The following SNTG1 variants were observed in gnomAD, a reference collection of about 807,000 sequenced individuals.
The protein encoded by SNTG1 is syntrophin gamma 1.
SNTG1 carries 39 observed loss-of-function variants against 74.7 expected under a neutral mutation model. That is an observed-to-expected ratio of 0.52 (90% CI 0.40 to 0.68). The LOEUF (loss-of-function observed/expected upper bound fraction) is 0.68. Ranked by LOEUF, SNTG1 falls within the 30% of genes least tolerant of loss-of-function variation. The pLI is 0.00. For synonymous variants in SNTG1, 254 were observed against 217.1 expected, an observed-to-expected ratio of 1.17 and a Z score of -1.49; for missense variants, 685 against 609.5, an observed-to-expected ratio of 1.12 and a Z score of -1.30.
intron 1 of SNTG1, among the ~76,000 whole-genome samples, chr8:50,087,301 C>A (rs1032784799): frequency 2.0e-5 from 3 of 152,064 alleles, no homozygotes; most frequent in African/African-American, 7.2e-5. Context: ...AGTTTGTCTT[C>A]GATTGTAACA....
intron 17 of SNTG1, among the ~76,000 whole-genome samples, chr8:50,726,585 C>T (rs1340204865): frequency 6.6e-6 from 1 of 152,226 alleles, no homozygotes; most frequent in Admixed American, 6.5e-5. Context: ...CGCACTGGCT[C>T]ACGCCTGTAA....
In SNTG1 at chr8:49,946,762, G is replaced by A. The variant is rs182264872; in HGVS notation, c.-103+34531G>A. Among the ~76,000 whole-genome samples, 516 of 152,014 alleles carry A rather than the reference G, an allele frequency of 3.4e-3. 2 individuals are homozygous for A. Among genetic ancestry groups the A allele is most frequent in the African/African-American group, 0.012 (494 of 41,452 alleles). ...ACGATATTCTTGTTCCTTTTACCTAGACAAAATCTAAATCATGAAAAGATG... is the reference window on the plus strand; with the variant it reads ...ACGATATTCTTGTTCCTTTTACCTAAACAAAATCTAAATCATGAAAAGATG... On this transcript the variant is annotated intron_variant, in intron 1 of 18. Transcript: ENST00000642720.
chr8:50,115,490 C>A (rs112965379), intron 1 of SNTG1, among the ~76,000 whole-genome samples: 2,096 of 147,550 alleles, frequency 0.014, 46 homozygotes, highest in African/African-American at 0.049. Context: ...GCTGGAGGAA[C>A]CCTGGAGGCA....
At chr8:50,127,574 T>C (rs927213966) in intron 1 of SNTG1, among the ~76,000 whole-genome samples, 1 of 152,112 alleles carries the variant, frequency 6.6e-6, no homozygotes, top group African/African-American at 2.4e-5. Context: ...GCCTGGCAAT[T>C]TTCCTGTAAT....
intron 1 of SNTG1, among the ~76,000 whole-genome samples, chr8:50,138,565 C>A (rs1005759952): frequency 6.6e-6 from 1 of 151,300 alleles, no homozygotes; most frequent in Non-Finnish European, 1.5e-5. Flanking sequence ...GTGGAGGTTG[C>A]ACTGAGCTGA....
chr8:50,282,155 C>T (rs957413100), intron 2 of SNTG1, among the ~76,000 whole-genome samples: 2 of 152,146 alleles, frequency 1.3e-5, no homozygotes, highest in Non-Finnish European at 2.9e-5. Context: ...ATACCAGCTC[C>T]CCTCTGGCCA....
At chr8:49,962,291 G>A (rs1379403806) in intron 1 of SNTG1, among the ~76,000 whole-genome samples, 2 of 151,634 alleles carry the variant, frequency 1.3e-5, no homozygotes, top group Non-Finnish European at 2.9e-5. Flanking sequence ...AGAGACTTGA[G>A]AGAGTGGTTC....
chr8:50,414,328 A>G (rs1242711037), intron 4 of SNTG1, among the ~76,000 whole-genome samples: 1 of 152,162 alleles, frequency 6.6e-6, no homozygotes, highest in African/African-American at 2.4e-5. Flanking sequence ...GGGCCAATTC[A>G]CAAAATCTCA....
intron 8 of SNTG1, among the ~76,000 whole-genome samples, chr8:50,487,710 T>A (rs2093810943): frequency 6.7e-6 from 1 of 149,686 alleles, no homozygotes; most frequent in South Asian, 2.1e-4. Flanking sequence ...GGGGGAGGGA[T>A]AGCACTGGGA....
At chr8:50,314,951 C>T (rs1257363563) in intron 2 of SNTG1, among the ~76,000 whole-genome samples, 1 of 149,386 alleles carries the variant, frequency 6.7e-6, no homozygotes, top group Non-Finnish European at 1.5e-5. Flanking sequence ...TTTTACGCCC[C>T]TTATGGTACT....
chr8:50,782,796 TC>T (rs781044100), intron 18 of SNTG1, among the ~76,000 whole-genome samples: 25 of 152,186 alleles, frequency 1.6e-4, no homozygotes, highest in Non-Finnish European at 2.8e-4. Context: ...TTTTAGAGTT[TC>T]TAGTTTTTCT....
At chr8:50,037,495 T>A (rs1484809) in intron 1 of SNTG1, among the ~76,000 whole-genome samples, 17,236 of 152,230 alleles carry the variant, frequency 0.11, 2,523 homozygotes, top group African/African-American at 0.33. Flanking sequence ...GTAAGGTTGC[T>A]AATAAAATGC....
chr8:50,153,092 C>G (rs529277232), intron 1 of SNTG1, among the ~76,000 whole-genome samples: 5 of 152,270 alleles, frequency 3.3e-5, no homozygotes, highest in East Asian at 3.9e-4. Flanking sequence ...TTCTTGGAGG[C>G]CTTGTTCGTT....
chr8:50,015,610 G>A (rs1178100240), intron 1 of SNTG1, among the ~76,000 whole-genome samples: 5 of 152,074 alleles, frequency 3.3e-5, no homozygotes, highest in African/African-American at 1.2e-4. Context: ...AGTGACTTAC[G>A]CACAAGGGAG....
chr8:50,636,158 A>C, intron 13 of SNTG1, among the ~76,000 whole-genome samples: 1 of 151,100 alleles, frequency 6.6e-6, no homozygotes. Flanking sequence ...TCCAAGTTGC[A>C]AGACAAAGTC....
chr8:50,205,716 C>A (rs1340665533), intron 2 of SNTG1, among the ~76,000 whole-genome samples: 3 of 152,168 alleles, frequency 2.0e-5, no homozygotes. Flanking sequence ...ACATGTAAGT[C>A]TTTAATCCAT....
At chr8:50,418,941 A>G (rs968099266) in intron 4 of SNTG1, among the ~76,000 whole-genome samples, 1 of 152,158 alleles carries the variant, frequency 6.6e-6, no homozygotes, top group Non-Finnish European at 1.5e-5. Flanking sequence ...TTCTTCTGGA[A>G]AGTAGGGATA....
At chr8:50,033,628 C>T (rs1358918901) in intron 1 of SNTG1, among the ~76,000 whole-genome samples, 3 of 152,066 alleles carry the variant, frequency 2.0e-5, no homozygotes, top group African/African-American at 7.2e-5. Flanking sequence ...TAGATGGCTG[C>T]TTTCTCCCTG....
chr8:50,704,615 G>T lies in SNTG1; in HGVS notation c.1054G>T (p.Asp352Tyr). 6.2e-7 allele frequency: 1 copy of T among 1,614,106 alleles called. No individual in the cohort carries two copies. The highest frequency in any genetic ancestry group is 1.1e-5 in the South Asian group (1 of 91,066). Residue 352 changes from aspartate to tyrosine, a missense_variant, in exon 16 of 19, where the codon GAC (aspartate) becomes TAC (tyrosine). Physicochemically the swap from Asp to Tyr is radical, Grantham distance 160. Coordinates refer to ENST00000642720, the MANE Select transcript of SNTG1 (RefSeq NM_018967.5). ...CKILKDSDLL[D>Y]RRKQCFTVQS... is the part of the protein sequence containing the mutation. ...TTTTCACCAGGACAGTGACCTGCTG[G>T]ACCGACGGAAACAGTGCTTCACCGT...
Sources: gnomAD v4.1 joint callset for allele counts (sites outside exome capture counted in the v4.1 genomes callset) on GRCh38, gnomAD v4.1.1 for gene constraint, MANE v1.5 for transcripts, NCBI Gene and HGNC (gene_info 2026-07-23, HGNC 2026-07-21) for gene names.